BNC2: variants seen among roughly 807,000 people sequenced by gnomAD.
BNC2 encodes the protein zinc finger protein basonuclin-2.
In BNC2, 20 loss-of-function variants were observed where a neutral mutation model predicts 76.3. That is an observed-to-expected ratio of 0.26 (90% confidence interval 0.18 to 0.38). BNC2 has a LOEUF of 0.38. Among genes scored for constraint, BNC2 ranks in the 10% least tolerant of loss-of-function variants. The pLI is 1.00. For synonymous variants in BNC2, 582 were observed against 514.8 expected, an observed-to-expected ratio of 1.13 and a Z score of -1.77; for missense variants, 1,382 against 1,399.8, an observed-to-expected ratio of 0.99 and a Z score of 0.20.
intron 4 of BNC2, among the ~76,000 whole-genome samples, chr9:16,568,736 T>C (rs16934816): frequency 2.6e-5 from 4 of 152,054 alleles, no homozygotes; most frequent in African/African-American, 9.7e-5. Flanking sequence ...AACATTAATA[T>C]AGGGCAATGA....
chr9:16,511,560 T>C (rs901600357), intron 5 of BNC2, among the ~76,000 whole-genome samples: 17 of 151,210 alleles, frequency 1.1e-4, no homozygotes, highest in Admixed American at 7.3e-4. Context: ...CCCAAGTAGC[T>C]GGGACTATAG....
intron 5 of BNC2, among the ~76,000 whole-genome samples, chr9:16,519,661 G>A (rs774840331): frequency 2.0e-5 from 3 of 152,140 alleles, no homozygotes; most frequent in Non-Finnish European, 2.9e-5. Context: ...TGCTACTTGT[G>A]GAGTTCTCAT....
intron 5 of BNC2, among the ~76,000 whole-genome samples, chr9:16,439,711 C>T (rs1233444384): frequency 6.6e-6 from 1 of 152,208 alleles, no homozygotes; most frequent in Non-Finnish European, 1.5e-5. Flanking sequence ...TTGGCATTTA[C>T]TTGAATTACT....
At chr9:16,774,031 G>T (rs1825898465) in intron 1 of BNC2, among the ~76,000 whole-genome samples, 1 of 152,050 alleles carries the variant, frequency 6.6e-6, no homozygotes, top group Admixed American at 6.6e-5. Flanking sequence ...GCCCAGGCTG[G>T]AGTACAGCGT....
chr9:16,868,359 A>C (rs1303766757), intron 1 of BNC2, among the ~76,000 whole-genome samples: 3 of 152,110 alleles, frequency 2.0e-5, no homozygotes, highest in Admixed American at 2.0e-4. Flanking sequence ...ATATAGCAAT[A>C]GTCAGCTCTG....
At chr9:16,679,203 T>C (rs1822749574) in intron 3 of BNC2, among the ~76,000 whole-genome samples, 1 of 152,084 alleles carries the variant, frequency 6.6e-6, no homozygotes, top group African/African-American at 2.4e-5. Context: ...GTGGCTTGCT[T>C]CTTTCTGCCC....
At chr9:16,575,262 C>G (rs1298774072) in intron 4 of BNC2, 1 of 985,348 alleles carries the variant, frequency 1.0e-6, no homozygotes, top group Non-Finnish European at 1.2e-6. Flanking sequence ...TATTGCCTCC[C>G]ATTCATTCAC....
chr9:16,543,529 C>A (rs555467154), intron 5 of BNC2, among the ~76,000 whole-genome samples: 2 of 152,296 alleles, frequency 1.3e-5, no homozygotes, highest in East Asian at 3.9e-4. Flanking sequence ...ATGCAAAAGC[C>A]TCTTCATGTC....
chr9:16,494,041 T>C lies in BNC2; in HGVS notation c.670-56517A>G, dbSNP rs75569351. On this transcript the variant is annotated intron_variant, in intron 5 of 6. Coordinates refer to ENST00000380672, the MANE Select transcript of BNC2 (RefSeq NM_017637.6). ...GCATGTTTGGTTTTGTCCTAGGCAC[T>C]GGAGATACAACACTGAATAAAACAG... 2.7e-3 allele frequency among the ~76,000 whole-genome samples: 418 copies of C among 152,304 alleles called. 20 individuals carry two copies. The East Asian group carries it at 0.072, about 26-fold the overall frequency.
At chr9:16,589,557 G>A (rs1819866584) in intron 3 of BNC2, among the ~76,000 whole-genome samples, 1 of 151,726 alleles carries the variant, frequency 6.6e-6, no homozygotes, top group Admixed American at 6.6e-5. Flanking sequence ...CACCCAGGCT[G>A]GAGTACGGTG....
At chr9:16,815,794 T>C (rs2135897861) in intron 1 of BNC2, among the ~76,000 whole-genome samples, 1 of 152,338 alleles carries the variant, frequency 6.6e-6, no homozygotes, top group Admixed American at 6.5e-5. Flanking sequence ...AAATAGTTAG[T>C]GGTTAGCAAA....
intron 3 of BNC2, among the ~76,000 whole-genome samples, chr9:16,722,321 G>A (rs922683462): frequency 2.0e-5 from 3 of 152,198 alleles, no homozygotes; most frequent in Non-Finnish European, 2.9e-5. Flanking sequence ...AGGATTTGCC[G>A]TGGCTCTTAA....
chr9:16,752,151 A>T (rs182008887), intron 1 of BNC2, among the ~76,000 whole-genome samples: 14 of 152,208 alleles, frequency 9.2e-5, no homozygotes, highest in Non-Finnish European at 1.9e-4. Flanking sequence ...AAAATAAGAG[A>T]TCCGAAGATA....
At chr9:16,653,863 C>A (rs1231159820) in intron 3 of BNC2, among the ~76,000 whole-genome samples, 3 of 152,120 alleles carry the variant, frequency 2.0e-5, no homozygotes, top group Non-Finnish European at 4.4e-5. Context: ...GTGGCAGAAC[C>A]TCTTGTCTGA....
chr9:16,494,709 T>C (rs1324504411), intron 5 of BNC2, among the ~76,000 whole-genome samples: 2 of 152,034 alleles, frequency 1.3e-5, no homozygotes, highest in African/African-American at 2.4e-5. Context: ...AGACACGTCA[T>C]GTAGGCCTGG....
chr9:16,489,617 G>A (rs1023265248), intron 5 of BNC2, among the ~76,000 whole-genome samples: 5 of 152,062 alleles, frequency 3.3e-5, no homozygotes, highest in Non-Finnish European at 7.4e-5. Flanking sequence ...AACATCCTAA[G>A]GAGAAAAAAC....
chr9:16,587,639 G>A (rs928591644), intron 3 of BNC2, among the ~76,000 whole-genome samples: 1 of 152,050 alleles, frequency 6.6e-6, no homozygotes, highest in Middle Eastern at 3.2e-3. Flanking sequence ...CTTGACTGAG[G>A]TTATTTTCAC....
At chr9:16,549,473 A>G (rs1818592881) in intron 5 of BNC2, among the ~76,000 whole-genome samples, 1 of 152,270 alleles carries the variant, frequency 6.6e-6, no homozygotes. Flanking sequence ...AGTTTTAGCC[A>G]GATAAAATGA....
chr9:16,564,114 A>G (rs943745), intron 4 of BNC2, among the ~76,000 whole-genome samples: 30,471 of 152,046 alleles, frequency 0.2, 5,621 homozygotes, highest in African/African-American at 0.49. Context: ...AGAAAGCAAC[A>G]ATTTCATGTT....
Sources: allele counts gnomAD v4.1 joint callset (sites outside exome capture counted in the v4.1 genomes callset), GRCh38; gene constraint gnomAD v4.1.1; transcripts MANE v1.5; gene names NCBI Gene and HGNC (gene_info 2026-07-23, HGNC 2026-07-21).